The following DAPK1 variants were observed in gnomAD, a reference collection of about 807,000 sequenced individuals.
The protein encoded by DAPK1 is death associated protein kinase 1.
DAPK1 carries 56 observed loss-of-function variants against 144.9 expected under a neutral mutation model. The observed-to-expected ratio is 0.39, with a 90% CI of 0.31 to 0.48. DAPK1 has a LOEUF of 0.48. Ranked by LOEUF, DAPK1 falls within the 20% of genes least tolerant of loss-of-function variation. The pLI, the probability that DAPK1 is intolerant of heterozygous loss-of-function variation, is 0.95. For synonymous variants in DAPK1, 690 were observed against 749.0 expected (o/e 0.92, Z 1.29); for missense variants, 1,454 against 1,875.4 (o/e 0.78, Z 4.15).
At chr9:87,517,476 A>G (rs1301854131) in intron 2 of DAPK1, among the ~76,000 whole-genome samples, 1 of 151,874 alleles carries the variant, frequency 6.6e-6, no homozygotes, top group African/African-American at 2.4e-5. Flanking sequence ...TCTTTCCTAG[A>G]TTGTGAGCCC....
In DAPK1 at chr9:87,675,983, G is replaced by A. The variant is rs577573610; in HGVS notation, c.2002-5421G>A. Among the ~76,000 whole-genome samples the A allele has an allele frequency of 8.6e-5, 13 of 151,232 alleles. No individual in the cohort carries two copies. In the South Asian group the frequency reaches 1.7e-3, roughly 19 times the overall value. On this transcript the variant is annotated intron_variant, in intron 19 of 25. Transcript: ENST00000408954. ...CTCCTCCTCTCCCCAGCCTGGTCTC[G>A]CCCTGACTGCAGGAGGTCTTGCCCA...
chr9:87,706,888 G>T lies in DAPK1; in HGVS notation c.3817G>T (p.Gly1273Trp), dbSNP rs763428159. ...GGAAACCTCACTGACCAACACCATG[G>T]GGGGGTACAAGGAAAGCTTCAGCAG... is the stretch of plus-strand genomic sequence containing the variant. ...LKETSLTNTM[G>W]GYKESFSSIM... Residue 1273 changes from glycine (G) to tryptophan (W), a missense_variant, in exon 26 of 26, where the codon GGG (glycine) becomes TGG (tryptophan). Physicochemically the swap from Gly to Trp is radical, Grantham distance 184. This residue lies in a region of DAPK1 where 1,025 missense variants were observed against 1,237.9 expected (regional missense o/e 0.83). Coordinates refer to ENST00000408954, the MANE Select transcript of DAPK1 (RefSeq NM_004938.4). This position sits in a 1 kb window ranked among gnomAD's most constrained non-coding sequence, Gnocchi z 9.0. 6.2e-7 allele frequency: 1 copy of T among 1,613,982 alleles called. No homozygotes were observed. The highest frequency in any genetic ancestry group is 8.5e-7 in the Non-Finnish European group (1 of 1,180,000).
Position 87,698,693 on chromosome 9 carries a change from C to G in DAPK1, c.2649C>G (p.Val883=). 6.2e-7 allele frequency: 1 copy of G among 1,603,856 alleles called. No homozygotes were observed. Among genetic ancestry groups the G allele is most frequent in the Non-Finnish European group, 8.5e-7 (1 of 1,170,584 alleles). Residue 883 remains valine (V), a synonymous_variant, in exon 23 of 26, where the codon GTC becomes GTG. Transcript: ENST00000408954. ...AGCTGAAGAACCCACTCCAAGTTGT[C>G]CTGGTGGCCACCCACGCTGACATCA... ...GGKLKNPLQV[V]LVATHADIMN...
upstream of DAPK1, chr9:87,497,803 A>G: frequency 2.7e-6 from 1 of 367,576 alleles, no homozygotes; most frequent in East Asian, 4.0e-5. Context: ...GCCCGCTTGC[A>G]GGGTCCCCAT....
intron 3 of DAPK1, among the ~76,000 whole-genome samples, chr9:87,613,276 A>C (rs951075206): frequency 6.6e-6 from 1 of 152,192 alleles, no homozygotes; most frequent in African/African-American, 2.4e-5. Flanking sequence ...AGCAGTGTTA[A>C]TTCTATGCAT....
chr9:87,532,164 A>G (rs1825723175), intron 2 of DAPK1, among the ~76,000 whole-genome samples: 1 of 152,214 alleles, frequency 6.6e-6, no homozygotes, highest in Non-Finnish European at 1.5e-5. Context: ...AAGGGTCAGT[A>G]AACTGTAACT....
chr9:87,536,645 C>T (rs558394696), intron 2 of DAPK1, among the ~76,000 whole-genome samples: 161 of 152,226 alleles, frequency 1.1e-3, no homozygotes, highest in Non-Finnish European at 1.4e-3. Context: ...AATCAGGGAG[C>T]TGATTTACCC....
chr9:87,531,602 C>T (rs138149394), intron 2 of DAPK1, among the ~76,000 whole-genome samples: 210 of 152,230 alleles, frequency 1.4e-3, no homozygotes, highest in African/African-American at 4.8e-3. Context: ...GAGGAGCTGT[C>T]ACTTCAGTGT....
chr9:87,507,177 A>C (rs553821939), intron 2 of DAPK1, among the ~76,000 whole-genome samples: 2 of 152,318 alleles, frequency 1.3e-5, no homozygotes, highest in East Asian at 3.9e-4. Flanking sequence ...CACTGTGGTC[A>C]TTGAAGTATA....
chr9:87,670,406 AAG>A (rs919120475), intron 19 of DAPK1, among the ~76,000 whole-genome samples: 2 of 152,200 alleles, frequency 1.3e-5, no homozygotes, highest in African/African-American at 4.8e-5. Flanking sequence ...CACAGGCTAA[AAG>A]AGCACAATTT....
At chr9:87,593,256 T>A (rs1243209942) in intron 2 of DAPK1, among the ~76,000 whole-genome samples, 1 of 152,248 alleles carries the variant, frequency 6.6e-6, no homozygotes, top group African/African-American at 2.4e-5. Context: ...CCCAAGACAC[T>A]GAGTGCAAAC....
At chr9:87,611,046 C>A (rs1468511075) in intron 3 of DAPK1, among the ~76,000 whole-genome samples, 1 of 152,040 alleles carries the variant, frequency 6.6e-6, no homozygotes, top group Non-Finnish European at 1.5e-5. Flanking sequence ...CAAATTCTAG[C>A]CTGTTTTATG....
chr9:87,692,990 T>C (rs939306762), intron 21 of DAPK1, among the ~76,000 whole-genome samples: 1 of 122,504 alleles, frequency 8.2e-6, no homozygotes. Context: ...TTTTTTTTTT[T>C]TCTGTTTTCA....
chr9:87,648,410 A>G (rs1005440767), intron 14 of DAPK1, among the ~76,000 whole-genome samples: 1 of 152,286 alleles, frequency 6.6e-6, no homozygotes, highest in Non-Finnish European at 1.5e-5. Context: ...TTGTTCATTT[A>G]AGTAACTGCT....
At chr9:87,511,600 T>C (rs1186232129) in intron 2 of DAPK1, among the ~76,000 whole-genome samples, 1 of 152,200 alleles carries the variant, frequency 6.6e-6, no homozygotes, top group Non-Finnish European at 1.5e-5. Flanking sequence ...TGAGACTATG[T>C]GAGCACATAA....
intron 3 of DAPK1, among the ~76,000 whole-genome samples, chr9:87,606,599 C>G (rs370417822): frequency 9.8e-6 from 1 of 101,960 alleles, no homozygotes; most frequent in Non-Finnish European, 2.0e-5. Context: ...CTTCCTTCCT[C>G]CCTCCCTCCC....
Position 87,707,019 on chromosome 9 carries a change from G to A in DAPK1, c.3948G>A (p.Leu1316=). 6.2e-7 allele frequency: 1 copy of A among 1,613,598 alleles called. No homozygotes were observed. Among genetic ancestry groups the A allele is most frequent in the Non-Finnish European group, 8.5e-7 (1 of 1,179,976 alleles). Reference sequence around the variant, plus strand: ...TCACTCGGAGGAAACTGAGTCGCCTGCTGGACCCGCCCGACCCCCTGGGGA... The same window carrying A: ...TCACTCGGAGGAAACTGAGTCGCCTACTGGACCCGCCCGACCCCCTGGGGA... ...NLLTRRKLSR[L]LDPPDPLGKD... The change falls in exon 26 of 26, where the codon CTG becomes CTA. Residue 1316 remains leucine, a synonymous_variant. Coordinates refer to ENST00000408954, the MANE Select transcript of DAPK1 (RefSeq NM_004938.4). The surrounding 1 kb of genome is among the most constrained non-coding windows in gnomAD (Gnocchi z 4.0).
At chr9:87,668,309 G>A in intron 18 of DAPK1, 1 of 396,952 alleles carries the variant, frequency 2.5e-6, no homozygotes, top group Non-Finnish European at 4.6e-6. Context: ...AGCCAGCTGA[G>A]GAGGCTGTTG....
chr9:87,643,319 C>T (rs1203378372), intron 10 of DAPK1, 57 bp from the exon 11 acceptor site: 1 of 1,067,760 alleles, frequency 9.4e-7, no homozygotes, highest in Non-Finnish European at 1.4e-6. Context: ...CTCCTCCTCT[C>T]ACCCTGCCTT....
Sources: allele counts gnomAD v4.1 joint callset (sites outside exome capture counted in the v4.1 genomes callset), GRCh38; gene constraint gnomAD v4.1.1; regional missense constraint gnomAD v4.1.1; non-coding constraint Gnocchi (gnomAD v3.1); transcripts MANE v1.5; gene names NCBI Gene and HGNC (gene_info 2026-07-23, HGNC 2026-07-21).